ASTN2: variants seen among roughly 807,000 people sequenced by gnomAD.
The protein encoded by ASTN2 is astrotactin-2.
A neutral mutation model predicts 139.8 loss-of-function variants in ASTN2; 54 were observed. That is an observed-to-expected ratio of 0.39 (90% CI 0.31 to 0.48). The LOEUF (loss-of-function observed/expected upper bound fraction) is 0.48. Ranked by LOEUF, ASTN2 falls within the 20% of genes least tolerant of loss-of-function variation. ASTN2 has a pLI of 0.95. For synonymous variants in ASTN2, 756 were observed against 719.5 expected (o/e 1.05, Z -0.81); for missense variants, 1,565 against 1,725.1 (o/e 0.91, Z 1.64).
At chr9:116,725,744 C>T (rs769770571) in intron 16 of ASTN2, 27 bp downstream of exon 16, 1 of 1,605,572 alleles carries the variant, frequency 6.2e-7, no homozygotes. Context: ...GCCTGGCCAC[C>T]TCCTACAGTA....
At chr9:116,919,497 A>T (rs1834538174) in intron 10 of ASTN2, among the ~76,000 whole-genome samples, 1 of 152,150 alleles carries the variant, frequency 6.6e-6, no homozygotes, top group African/African-American at 2.4e-5. Context: ...CAAATACTGC[A>T]GCCTCTTTCT....
chr9:117,063,132 A>G (rs762883663), intron 5 of ASTN2, among the ~76,000 whole-genome samples: 1 of 152,214 alleles, frequency 6.6e-6, no homozygotes, highest in Non-Finnish European at 1.5e-5. Flanking sequence ...TATACTTACT[A>G]TGTCAGGTAT....
chr9:116,673,612 G>A (rs1661294), intron 16 of ASTN2, among the ~76,000 whole-genome samples: 67,038 of 151,914 alleles, frequency 0.44, 15,082 homozygotes, highest in Admixed American at 0.52. Flanking sequence ...ACAAGAATGC[G>A]TAGACATATA....
intron 1 of ASTN2, among the ~76,000 whole-genome samples, chr9:117,352,676 G>T (rs1300040097): frequency 6.6e-6 from 1 of 152,130 alleles, no homozygotes; most frequent in Non-Finnish European, 1.5e-5. Flanking sequence ...TAAGGATTAA[G>T]ATATCCATTT....
chr9:116,531,835 T>C (rs906192081), intron 19 of ASTN2, among the ~76,000 whole-genome samples: 3 of 152,214 alleles, frequency 2.0e-5, no homozygotes, highest in African/African-American at 7.2e-5. Flanking sequence ...TACGTGTGCA[T>C]GTGTCTTTAT....
chr9:117,149,842 A>G (rs143262747), intron 3 of ASTN2, among the ~76,000 whole-genome samples: 261 of 152,310 alleles, frequency 1.7e-3, no homozygotes, highest in African/African-American at 6.0e-3. Context: ...TCTCAGGGGT[A>G]AAAATTGATG....
At chr9:116,529,163 C>T (rs1851217865) in intron 19 of ASTN2, among the ~76,000 whole-genome samples, 1 of 152,134 alleles carries the variant, frequency 6.6e-6, no homozygotes. Flanking sequence ...CACTCAACAT[C>T]AGCCTGTGAA....
At chr9:117,381,574 T>A (rs1462047783) in intron 1 of ASTN2, among the ~76,000 whole-genome samples, 1 of 152,114 alleles carries the variant, frequency 6.6e-6, no homozygotes, top group Non-Finnish European at 1.5e-5. Context: ...TTTGCCATAT[T>A]AAGAAGCCTG....
chr9:116,484,025 T>A (rs1849256738), intron 20 of ASTN2, among the ~76,000 whole-genome samples: 2 of 152,188 alleles, frequency 1.3e-5, no homozygotes, highest in Admixed American at 1.3e-4. Context: ...ACCTCTCTCC[T>A]CTACATCAAT....
chr9:116,995,308 AT>A (rs1379740563), intron 7 of ASTN2, among the ~76,000 whole-genome samples: 1 of 152,236 alleles, frequency 6.6e-6, no homozygotes, highest in Non-Finnish European at 1.5e-5. Context: ...TCTAATGGAA[AT>A]GCTCTTTGTA....
intron 5 of ASTN2, among the ~76,000 whole-genome samples, chr9:117,087,643 G>C (rs1828602957): frequency 6.6e-6 from 1 of 152,230 alleles, no homozygotes; most frequent in Admixed American, 6.5e-5. Context: ...TGAAACAATT[G>C]CATGGTGGAT....
chr9:117,193,375 C>T (rs1207597025), intron 3 of ASTN2, among the ~76,000 whole-genome samples: 1 of 152,132 alleles, frequency 6.6e-6, no homozygotes, highest in Non-Finnish European at 1.5e-5. Context: ...CGTGGTGGCT[C>T]ATGCCTGTAA....
chr9:116,956,779 T>C (rs1194653676), intron 10 of ASTN2, among the ~76,000 whole-genome samples: 1 of 152,014 alleles, frequency 6.6e-6, no homozygotes, highest in East Asian at 1.9e-4. Flanking sequence ...TTCTCTACAC[T>C]AGCAATGAGC....
At chr9:116,889,492 G>A (rs1330694622) in intron 10 of ASTN2, among the ~76,000 whole-genome samples, 2 of 152,108 alleles carry the variant, frequency 1.3e-5, no homozygotes, top group African/African-American at 4.8e-5. Context: ...CCACTGCATA[G>A]GAGTATGCTG....
intron 10 of ASTN2, among the ~76,000 whole-genome samples, chr9:116,872,562 G>A (rs1833194068): frequency 6.6e-6 from 1 of 152,296 alleles, no homozygotes; most frequent in African/African-American, 2.4e-5. Flanking sequence ...ATGTAACAGA[G>A]CTTGTGCTAG....
rs114970005 is a variant in ASTN2 at position 116,976,938 on chromosome 9, G to T, written c.1592-153C>A. On this transcript the variant is annotated intron_variant, in intron 7 of 22. Transcript: ENST00000313400. ...GTAATCTTGTCCATCAACCACTGTG[G>T]TTAACAGAGTTTATTCCTTTGTTCA... is the stretch of plus-strand genomic sequence containing the variant. Among the ~76,000 whole-genome samples the T allele has an allele frequency of 5.4e-3, 821 of 152,184 alleles. 10 individuals carry two copies. The highest frequency in any genetic ancestry group is 0.019 in the African/African-American group (793 of 41,462).
At chr9:116,565,385 CTCCATATATATATATATATA>C (rs1476540548) in intron 19 of ASTN2, among the ~76,000 whole-genome samples, 2,656 of 30,654 alleles carry the variant, frequency 0.087, 96 homozygotes, top group Middle Eastern at 0.18. Flanking sequence ...CTCTCTCTCT[CTCCATATATATATATATATA>C]TATATATATA....
intron 1 of ASTN2, among the ~76,000 whole-genome samples, chr9:117,303,042 G>A (rs914566023): frequency 2.0e-5 from 3 of 152,052 alleles, no homozygotes; most frequent in Non-Finnish European, 4.4e-5. Flanking sequence ...CAGCTGAAGT[G>A]ACCCTCTAAG....
chr9:117,110,309 T>G (rs992069502), intron 4 of ASTN2, among the ~76,000 whole-genome samples: 2 of 152,110 alleles, frequency 1.3e-5, no homozygotes, highest in Admixed American at 1.3e-4. Flanking sequence ...GAATTCACCA[T>G]AAGGGACCCA....
Sources: gnomAD v4.1 joint callset for allele counts (sites outside exome capture counted in the v4.1 genomes callset) on GRCh38, gnomAD v4.1.1 for gene constraint, MANE v1.5 for transcripts, NCBI Gene and HGNC (gene_info 2026-07-23, HGNC 2026-07-21) for gene names.